The following RYR2 variants were observed in gnomAD, a reference collection of about 807,000 sequenced individuals.
The protein encoded by RYR2 is cardiac muscle ryanodine receptor-calcium release channel.
In RYR2, 227 loss-of-function variants were observed where a neutral mutation model predicts 601.1. The ratio of observed to expected loss-of-function variants is 0.38; its 90% CI spans 0.34 to 0.42. The LOEUF (loss-of-function observed/expected upper bound fraction) is 0.42. Ranked by LOEUF, RYR2 falls within the 10% of genes least tolerant of loss-of-function variation. RYR2 has a pLI of 1.00. For synonymous variants in RYR2, 2,223 were observed against 2,175.1 expected (o/e 1.02, Z -0.61); for missense variants, 4,646 against 6,156.5 (o/e 0.75, Z 8.21).
intron 1 of RYR2, among the ~76,000 whole-genome samples, chr1:237,171,861 G>A (rs1677436845): frequency 6.6e-6 from 1 of 152,186 alleles, no homozygotes; most frequent in Admixed American, 6.5e-5. Context: ...TCATAAGGAG[G>A]TTTTCAATGG....
intron 58 of RYR2, among the ~76,000 whole-genome samples, chr1:237,673,563 T>C (rs1685141861): frequency 6.6e-6 from 1 of 152,184 alleles, no homozygotes; most frequent in African/African-American, 2.4e-5. Flanking sequence ...CCACTTTTAA[T>C]GTAGCACATC....
chr1:237,475,354 GT>G (rs1444062368), intron 17 of RYR2, among the ~76,000 whole-genome samples: 2 of 150,732 alleles, frequency 1.3e-5, no homozygotes, highest in African/African-American at 2.4e-5. Context: ...TTTTTGTGGG[GT>G]TTTTTAATCT....
intron 17 of RYR2, among the ~76,000 whole-genome samples, chr1:237,478,083 A>G (rs1196040370): frequency 2.0e-5 from 3 of 150,994 alleles, no homozygotes; most frequent in East Asian, 2.0e-4. Context: ...ATTGTGGGCA[A>G]TAGGGCCTGT....
At chr1:237,565,219 CTTTCTTTT>C (rs1671934456) in intron 27 of RYR2, among the ~76,000 whole-genome samples, 1 of 113,256 alleles carries the variant, frequency 8.8e-6, no homozygotes, top group African/African-American at 3.7e-5. Context: ...TTCTTTCTTT[CTTTCTTTT>C]GTCTTTCTTT....
chr1:237,120,222 C>T (rs1299267122), intron 1 of RYR2, among the ~76,000 whole-genome samples: 1 of 152,022 alleles, frequency 6.6e-6, no homozygotes, highest in Admixed American at 6.6e-5. Flanking sequence ...TTGTTTATGT[C>T]ACGTGGCCTG....
rs189508399 is a variant in RYR2, at chr1:237,616,143, A to G, written c.5716-1143A>G. Among the ~76,000 whole-genome samples, 91 of 152,270 alleles carry G rather than the reference A, an allele frequency of 6.0e-4. 1 individual carries two copies. The highest frequency in any genetic ancestry group is 2.1e-3 in the African/African-American group (86 of 41,562). ...AGGGTGGGGCAAAGGAGATGGAGAA[A>G]AGGGGTTGGACACTGTGACTACTTC... On this transcript the variant is annotated intron_variant, in intron 37 of 104. Coordinates refer to ENST00000366574, the MANE Select transcript of RYR2 (RefSeq NM_001035.3).
intron 29 of RYR2, among the ~76,000 whole-genome samples, chr1:237,571,530 G>C (rs1028330603): frequency 9.2e-5 from 14 of 151,964 alleles, no homozygotes; most frequent in African/African-American, 3.4e-4. Context: ...GGTGAGGCTG[G>C]TCTCGAACTC....
At chr1:237,305,975 T>C (rs1693821312) in intron 2 of RYR2, among the ~76,000 whole-genome samples, 1 of 152,194 alleles carries the variant, frequency 6.6e-6, no homozygotes, top group African/African-American at 2.4e-5. Flanking sequence ...CTAGAAGATG[T>C]TGGTTTGGAC....
At chr1:237,355,150 G>T (rs1699185676) in intron 3 of RYR2, among the ~76,000 whole-genome samples, 1 of 152,114 alleles carries the variant, frequency 6.6e-6, no homozygotes, top group Non-Finnish European at 1.5e-5. Context: ...TACATGAAGG[G>T]TGTGAAGCAA....
At chr1:237,253,103 G>T (rs1046712486) in intron 1 of RYR2, among the ~76,000 whole-genome samples, 7 of 148,052 alleles carry the variant, frequency 4.7e-5, no homozygotes, top group African/African-American at 1.7e-4. Context: ...GAGGGAGATT[G>T]CAGGGAGCTG....
intron 80 of RYR2, among the ~76,000 whole-genome samples, chr1:237,744,039 G>T (rs941628745): frequency 2.0e-5 from 3 of 152,120 alleles, no homozygotes; most frequent in Admixed American, 6.6e-5. Flanking sequence ...AGATTGGAAA[G>T]AAGCCTGCTT....
In RYR2 at chr1:237,492,275, ACCTGCCTTGG is replaced by A. The variant is rs1663444861; in HGVS notation, c.1827+355_1827+364del. ...TTGAGCTCCTGACCTCAGGTGATCC[ACCTGCCTTGG>A]CCTCCCAAAATTCTGGGATTACAGG... On this transcript the variant is annotated intron_variant, in intron 18 of 104. Coordinates refer to ENST00000366574, the MANE Select transcript of RYR2 (RefSeq NM_001035.3). 2.0e-5 allele frequency among the ~76,000 whole-genome samples: 3 copies of A among 152,120 alleles called. No homozygotes were observed. In the South Asian group the frequency reaches 6.2e-4, roughly 32 times the overall value.
chr1:237,081,961 C>T (rs1665735262), intron 1 of RYR2, among the ~76,000 whole-genome samples: 1 of 152,134 alleles, frequency 6.6e-6, no homozygotes, highest in Non-Finnish European at 1.5e-5. Flanking sequence ...CTAATTACTC[C>T]AAGATAACTG....
chr1:237,506,889 C>A, intron 23 of RYR2, 75 bp downstream of exon 23: 1 of 1,200,568 alleles, frequency 8.3e-7, no homozygotes, highest in Non-Finnish European at 1.2e-6. Context: ...CTGCCTTTTC[C>A]CGCTATGGGG....
At chr1:237,238,341 C>T (rs1232656514) in intron 1 of RYR2, among the ~76,000 whole-genome samples, 3 of 152,166 alleles carry the variant, frequency 2.0e-5, no homozygotes, top group South Asian at 2.1e-4. Context: ...CCAACAGCTT[C>T]GAGTTGTCCA....
rs145624498 is a variant in RYR2 at position 237,081,677 on chromosome 1, C to T, written c.48+39108C>T. 3.9e-3 allele frequency among the ~76,000 whole-genome samples: 587 copies of T among 152,142 alleles called. 7 individuals carry two copies. The highest frequency in any genetic ancestry group is 0.013 in the African/African-American group (539 of 41,480). On this transcript the variant is annotated intron_variant, in intron 1 of 104. Coordinates refer to ENST00000366574, the MANE Select transcript of RYR2 (RefSeq NM_001035.3). ...CTCTCAATATTCCATCCCAATGACC[C>T]ATCCAGCTGGAAAGATGGTTTTATT...
intron 29 of RYR2, among the ~76,000 whole-genome samples, chr1:237,580,654 C>T (rs2148366694): frequency 6.6e-6 from 1 of 152,270 alleles, no homozygotes; most frequent in East Asian, 1.9e-4. Context: ...CTCCATTCTA[C>T]CTGTTATGGA....
chr1:237,052,602 T>A (rs1335958987), intron 1 of RYR2, among the ~76,000 whole-genome samples: 2 of 152,162 alleles, frequency 1.3e-5, no homozygotes, highest in Non-Finnish European at 2.9e-5. Context: ...GGCTAAGGGA[T>A]GAAAATATGT....
chr1:237,643,028 G>T (rs902389453), intron 47 of RYR2, among the ~76,000 whole-genome samples: 4 of 152,274 alleles, frequency 2.6e-5, no homozygotes, highest in African/African-American at 4.8e-5. Context: ...AAACACGTCA[G>T]ATTCTCAGTA....
Sources: gnomAD v4.1 joint callset for allele counts (sites outside exome capture counted in the v4.1 genomes callset) on GRCh38, gnomAD v4.1.1 for gene constraint, MANE v1.5 for transcripts, NCBI Gene and HGNC (gene_info 2026-07-23, HGNC 2026-07-21) for gene names.